The following COG2 variants were observed in gnomAD, a reference collection of about 807,000 sequenced individuals.
The protein encoded by COG2 is conserved oligomeric Golgi complex subunit 2.
A neutral mutation model predicts 90.6 loss-of-function variants in COG2; 52 were observed. That is an observed-to-expected ratio of 0.57 (90% confidence interval 0.46 to 0.72). The LOEUF is 0.72. Among genes scored for constraint, COG2 ranks in the 30% least tolerant of loss-of-function variants. The pLI is 0.00. For missense variants in COG2, 829 were observed against 891.2 expected (o/e 0.93, Z 0.89); for synonymous variants, 337 against 320.4 (o/e 1.05, Z -0.55).
intron 8 of COG2, among the ~76,000 whole-genome samples, chr1:230,673,143 C>T (rs1199004518): frequency 6.6e-6 from 1 of 152,158 alleles, no homozygotes; most frequent in African/African-American, 2.4e-5. Context: ...ATGAAACAAT[C>T]AGCCATTAGA....
At chr1:230,685,932 C>G (rs1662875053) in intron 12 of COG2, among the ~76,000 whole-genome samples, 1 of 151,962 alleles carries the variant, frequency 6.6e-6, no homozygotes, top group South Asian at 2.1e-4. Flanking sequence ...GAGATGTGTT[C>G]TAAAAAATAA....
In COG2 at chr1:230,693,625, T is replaced by C. The variant is rs1470454462; in HGVS notation, c.*232T>C. 2.7e-6 allele frequency: 1 copy of C among 368,572 alleles called. No homozygotes were observed. Among genetic ancestry groups the C allele is most frequent in the Non-Finnish European group, 4.8e-6 (1 of 206,844 alleles). The allele number at this position is 368,572 out of a possible 1,614,324, so 22.8% of individuals were successfully genotyped here. ...GTATGGAAGATAGTTTTTAAGACATTTGAAACTTTCTACTATAGTTTACAG... is the reference window on the plus strand; with the variant it reads ...GTATGGAAGATAGTTTTTAAGACATCTGAAACTTTCTACTATAGTTTACAG... On this transcript the variant is annotated 3_prime_UTR_variant, in exon 18 of 18. Transcript: ENST00000366669.
At position 230,678,975 on chromosome 1, in the gene COG2, T is replaced by C. The variant is rs1387051453; in HGVS notation, c.1089T>C (p.Ser363=). 1 of 1,613,604 alleles carries C rather than the reference T, an allele frequency of 6.2e-7. No homozygotes were observed. The highest frequency in any genetic ancestry group is 8.5e-7 in the Non-Finnish European group (1 of 1,179,688). The change falls in exon 10 of 18, where the codon AGT becomes AGC. Residue 363 remains serine, a synonymous_variant. Transcript: ENST00000366669. ...RLERQCGSQA[S]VKRLRAHPAY... Reference sequence around the variant, plus strand: ...AACGGCAGTGTGGATCACAGGCTAGTGTAAAGAGATTAAGAGCCCATCCTG... The same window carrying C: ...AACGGCAGTGTGGATCACAGGCTAGCGTAAAGAGATTAAGAGCCCATCCTG...
At chr1:230,687,519 A>T (rs1662911569) in intron 13 of COG2, among the ~76,000 whole-genome samples, 1 of 151,998 alleles carries the variant, frequency 6.6e-6, no homozygotes, top group Non-Finnish European at 1.5e-5. Flanking sequence ...TAGTTACTTT[A>T]CATTAATTTA....
intron 4 of COG2, among the ~76,000 whole-genome samples, chr1:230,664,170 T>A (rs530105706): frequency 6.6e-6 from 1 of 151,578 alleles, no homozygotes; most frequent in East Asian, 1.9e-4. Flanking sequence ...GCCTGGGTGA[T>A]AGAGTGAGAC....
At chr1:230,663,358 A>G (rs1662238190) in intron 4 of COG2, 137 bp downstream of exon 4, 1 of 359,992 alleles carries the variant, frequency 2.8e-6, no homozygotes, top group East Asian at 4.6e-5. Flanking sequence ...CTTTTATATT[A>G]AAGTGTTTAT....
chr1:230,676,094 T>C (rs192755964), intron 9 of COG2, among the ~76,000 whole-genome samples: 1 of 152,360 alleles, frequency 6.6e-6, no homozygotes, highest in East Asian at 1.9e-4. Flanking sequence ...TTCTTCCTTC[T>C]TCTTCCCTGG....
intron 3 of COG2, 60 bp from the exon 4 acceptor site, chr1:230,663,081 G>A (rs1307968025): frequency 3.6e-6 from 5 of 1,395,686 alleles, no homozygotes; most frequent in Non-Finnish European, 4.9e-6. Context: ...AATTAAATGT[G>A]TAAATTTCAT....
Position 230,685,136 on chromosome 1 carries a change from G to A in COG2, c.1280G>A (p.Arg427Lys), listed in dbSNP as rs995937409. The A allele has an allele frequency of 1.2e-6, 2 of 1,614,202 alleles. No individual in the cohort carries two copies. The highest frequency in any genetic ancestry group is 2.7e-5 in the African/African-American group (2 of 75,038). ...LASHRTWSSLRRCWSDEMFLP... is the reference protein window; with the variant it reads ...LASHRTWSSLKRCWSDEMFLP... ...TCTCATAGAACTTGGAGCAGCCTTA[G>A]GAGGTGTTGGTCAGATGAGATGTTC... Residue 427 changes from arginine (R) to lysine (K), a missense_variant, in exon 12 of 18, where the codon AGG becomes AAG. Coordinates refer to ENST00000366669, the MANE Select transcript of COG2 (RefSeq NM_007357.3).
intron 3 of COG2, among the ~76,000 whole-genome samples, chr1:230,661,971 C>T (rs904104370): frequency 6.6e-6 from 1 of 152,028 alleles, no homozygotes; most frequent in African/African-American, 2.4e-5. Context: ...CTTCCTACCC[C>T]CACCCTTGGA....
At position 230,690,429 on chromosome 1, in the gene COG2, C is replaced by G. The variant is rs570258027; in HGVS notation, c.1934+276C>G. On this transcript the variant is annotated intron_variant, in intron 16 of 17. Transcript: ENST00000366669. ...CTCCAGGCCCTGCCTGCGTTCCCTG[C>G]AGGTGCCGTTCTCCCAGGTCCAGCC... 274 of 288,020 alleles carry G rather than the reference C, an allele frequency of 9.5e-4. 3 individuals carry two copies. Among genetic ancestry groups the G allele is most frequent in the African/African-American group, 5.8e-3 (265 of 45,810 alleles). The allele number at this position is 288,020 out of a possible 1,614,324, so 17.8% of individuals were successfully genotyped here.
rs564159810 is a variant in COG2 at position 230,659,643 on chromosome 1, G to A, written c.234+18G>A. ...CAAACTTGGTAAACTTTAAATCCAC[G>A]GTCCCATTTACATACATACAATTTC... On this transcript the variant is annotated intron_variant, in intron 2 of 17. Transcript: ENST00000366669. 15 of 1,609,726 alleles carry A rather than the reference G, an allele frequency of 9.3e-6. No homozygotes were observed. Among genetic ancestry groups the A allele is most frequent in the African/African-American group, 6.7e-5 (5 of 74,838 alleles).
chr1:230,672,199 T>G (rs1370031880), intron 8 of COG2, among the ~76,000 whole-genome samples: 1 of 152,190 alleles, frequency 6.6e-6, no homozygotes, highest in Non-Finnish European at 1.5e-5. Context: ...CTCTCTAGTC[T>G]AGGCTTCTGA....
At chr1:230,651,427 AT>A (rs1413545716) in intron 1 of COG2, among the ~76,000 whole-genome samples, 1 of 152,184 alleles carries the variant, frequency 6.6e-6, no homozygotes, top group Non-Finnish European at 1.5e-5. Context: ...ATTGTTTGCC[AT>A]CCTTGGGTGC....
intron 1 of COG2, among the ~76,000 whole-genome samples, chr1:230,647,809 G>A (rs1661825219): frequency 1.3e-5 from 2 of 151,938 alleles, no homozygotes; most frequent in Admixed American, 6.6e-5. Flanking sequence ...TTGTTATACT[G>A]TATTTTTATT....
At position 230,688,570 on chromosome 1, in the gene COG2, C is replaced by T. The variant is rs770464804; in HGVS notation, c.1794+8C>T. The T allele has an allele frequency of 2.5e-6, 4 of 1,613,648 alleles. No individual in the cohort carries two copies. The highest frequency in any genetic ancestry group is 3.4e-6 in the Non-Finnish European group (4 of 1,179,796). On this transcript the variant is annotated splice_region_variant and intron_variant, in intron 15 of 17. Transcript: ENST00000366669. ...TACCGAAGAACCAATAAGGTCAGCG[C>T]CATTTATGGGAGAGAATTTTGAGGT...
At chr1:230,677,068 A>G (rs1662617263) in intron 9 of COG2, among the ~76,000 whole-genome samples, 1 of 152,030 alleles carries the variant, frequency 6.6e-6, no homozygotes, top group Admixed American at 6.6e-5. Context: ...ATTTTTATAT[A>G]TTATTTCTTC....
chr1:230,644,992 T>G (rs1571938528), intron 1 of COG2, among the ~76,000 whole-genome samples: 2 of 151,556 alleles, frequency 1.3e-5, no homozygotes, highest in South Asian at 4.2e-4. Context: ...GGGTCAAAGG[T>G]GGTAATGGCA....
At position 230,688,460 on chromosome 1, in the gene COG2, G is replaced by A; in HGVS notation, c.1692G>A (p.Val564=). The A allele has an allele frequency of 6.2e-7, 1 of 1,614,098 alleles. No individual in the cohort carries two copies. Among genetic ancestry groups the A allele is most frequent in the Non-Finnish European group, 8.5e-7 (1 of 1,180,024 alleles). ...EDSQSSFSAC[V]PSLSSKIIQD... is the part of the protein sequence containing the mutation. ...CCCAGAGCTCTTTTTCAGCCTGTGT[G>A]CCCTCCTTGAGTAGCAAGATCATCC... is the stretch of plus-strand genomic sequence containing the variant. Residue 564 remains valine, a synonymous_variant, in exon 15 of 18, where the codon GTG becomes GTA. Transcript: ENST00000366669.
Sources: allele counts gnomAD v4.1 joint callset (sites outside exome capture counted in the v4.1 genomes callset), GRCh38; gene constraint gnomAD v4.1.1; transcripts MANE v1.5; gene names NCBI Gene and HGNC (gene_info 2026-07-23, HGNC 2026-07-21).